The following FBXO42 variants were observed in gnomAD, a reference collection of about 807,000 sequenced individuals.
FBXO42 encodes the protein F-box only protein 42.
A neutral mutation model predicts 71.7 loss-of-function variants in FBXO42; 12 were observed. That is an observed-to-expected ratio of 0.17 (90% CI 0.11 to 0.27). FBXO42 has a LOEUF of 0.27. Among genes scored for constraint, FBXO42 ranks in the 10% least tolerant of loss-of-function variants. FBXO42 has a pLI of 1.00. For synonymous variants in FBXO42, 325 were observed against 327.5 expected (o/e 0.99, Z 0.08); for missense variants, 707 against 911.9 (o/e 0.78, Z 2.89).
chr1:16,311,503 AATATATAT>A (rs1553153697), intron 2 of FBXO42, among the ~76,000 whole-genome samples: 1 of 65,562 alleles, frequency 1.5e-5, no homozygotes, highest in Non-Finnish European at 3.0e-5. Context: ...AAAAAAAAAA[AATATATAT>A]ATATATATAT....
chr1:16,259,769 A>C (rs926624659), intron 4 of FBXO42, among the ~76,000 whole-genome samples: 1 of 151,422 alleles, frequency 6.6e-6, no homozygotes, highest in African/African-American at 2.4e-5. Context: ...CTGTCTCAAA[A>C]AAAAAAAAAA....
At chr1:16,271,093 C>A (rs1569837360) in intron 4 of FBXO42, among the ~76,000 whole-genome samples, 1 of 151,938 alleles carries the variant, frequency 6.6e-6, no homozygotes, top group East Asian at 1.9e-4. Flanking sequence ...GAAGAGTGTT[C>A]CAGGCAGAAA....
intron 2 of FBXO42, among the ~76,000 whole-genome samples, chr1:16,307,183 T>C (rs2082260348): frequency 6.6e-6 from 1 of 152,132 alleles, no homozygotes; most frequent in Non-Finnish European, 1.5e-5. Context: ...TGAGCTACCA[T>C]GCCCAACCAG....
At chr1:16,253,766 G>C in intron 6 of FBXO42, 35 bp from the exon 7 acceptor site, 1 of 1,592,276 alleles carries the variant, frequency 6.3e-7, no homozygotes, top group Non-Finnish European at 8.6e-7. Flanking sequence ...AAGGTAGTTA[G>C]GAGCTCCCAG....
At chr1:16,344,829 T>C (rs1479699985) in intron 1 of FBXO42, among the ~76,000 whole-genome samples, 1 of 152,150 alleles carries the variant, frequency 6.6e-6, no homozygotes, top group East Asian at 1.9e-4. Flanking sequence ...CCGGGCGTGG[T>C]GGCTCACACC....
chr1:16,331,821 C>G (rs1279735724), intron 1 of FBXO42, among the ~76,000 whole-genome samples: 1 of 151,392 alleles, frequency 6.6e-6, no homozygotes, highest in East Asian at 1.9e-4. Context: ...GAGGCTGAGG[C>G]GCGCAGATCA....
At chr1:16,288,503 A>G (rs895133075) in intron 4 of FBXO42, among the ~76,000 whole-genome samples, 1 of 151,828 alleles carries the variant, frequency 6.6e-6, no homozygotes, top group African/African-American at 2.4e-5. Context: ...ACAATGAATT[A>G]CTAGATACTA....
intron 5 of FBXO42, 103 bp downstream of exon 5, chr1:16,256,503 T>C (rs2081646755): frequency 1.6e-6 from 2 of 1,256,044 alleles, no homozygotes; most frequent in Non-Finnish European, 2.2e-6. Context: ...AGTCCACAGC[T>C]TTCCATCTAA....
In FBXO42 at chr1:16,347,307, G is replaced by A. The variant is rs1029660200; in HGVS notation, c.-18+4948C>T. On this transcript the variant is annotated intron_variant, in intron 1 of 9. Coordinates refer to ENST00000375592, the MANE Select transcript of FBXO42 (RefSeq NM_018994.3). ...GAGGCAGGTGGATCACTTGAAGACA[G>A]GAGTTCGAGAGTAGCCTGGCCAACA... 7.3e-5 allele frequency among the ~76,000 whole-genome samples: 11 copies of A among 151,648 alleles called. 1 individual carries two copies. Among genetic ancestry groups the A allele is most frequent in the African/African-American group, 1.7e-4 (7 of 41,276 alleles).
At chr1:16,323,173 C>T (rs939753986) in intron 1 of FBXO42, among the ~76,000 whole-genome samples, 1 of 152,128 alleles carries the variant, frequency 6.6e-6, no homozygotes, top group African/African-American at 2.4e-5. Context: ...AATCCCAGCA[C>T]TTTGGGAGGC....
chr1:16,273,182 G>A (rs1452094262), intron 4 of FBXO42, among the ~76,000 whole-genome samples: 2 of 152,106 alleles, frequency 1.3e-5, no homozygotes, highest in Non-Finnish European at 2.9e-5. Flanking sequence ...TTAAACAACC[G>A]GTAACCAGCA....
In FBXO42 at chr1:16,294,901, A is replaced by G. The variant is rs147993310; in HGVS notation, c.384T>C (p.Asp128=). Residue 128 remains aspartate (D), a synonymous_variant, in exon 4 of 10, where the codon GAT becomes GAC. Coordinates refer to ENST00000375592, the MANE Select transcript of FBXO42 (RefSeq NM_018994.3). ...CAAACACATACATAGACTGATTAGC[A>G]TCATAATAGCATGCACCTAGAAAGA... The part of the protein sequence containing the change: ...QRFSHSACYY[D]ANQSMYVFGG... 25 of 1,607,856 alleles carry G rather than the reference A, an allele frequency of 1.6e-5. No individual in the cohort carries two copies. Among genetic ancestry groups the G allele is most frequent in the Non-Finnish European group, 2.0e-5 (23 of 1,177,672 alleles).
intron 1 of FBXO42, among the ~76,000 whole-genome samples, chr1:16,317,210 G>C (rs1462353528): frequency 2.0e-5 from 3 of 152,140 alleles, no homozygotes; most frequent in Non-Finnish European, 2.9e-5. Context: ...CTGAGGTCAG[G>C]AGTTCAAGAC....
intron 6 of FBXO42, among the ~76,000 whole-genome samples, chr1:16,255,016 T>A (rs973037728): frequency 6.6e-6 from 1 of 152,188 alleles, no homozygotes; most frequent in East Asian, 1.9e-4. Context: ...CCATTTCCAC[T>A]TGTCCTGTCA....
intron 4 of FBXO42, among the ~76,000 whole-genome samples, chr1:16,263,637 C>T (rs780896044): frequency 6.6e-6 from 1 of 150,612 alleles, no homozygotes; most frequent in South Asian, 2.1e-4. Context: ...GCAGGAGAAA[C>T]GCTTGAACCC....
chr1:16,330,868 A>G (rs1338083542), intron 1 of FBXO42, among the ~76,000 whole-genome samples: 8 of 151,696 alleles, frequency 5.3e-5, no homozygotes, highest in African/African-American at 1.9e-4. Context: ...CTTTAACTCA[A>G]GAGGCGGAGG....
chr1:16,282,779 G>A (rs1262640), intron 4 of FBXO42, among the ~76,000 whole-genome samples: 151,456 of 151,490 alleles, frequency 1, 75,711 homozygotes, highest in Middle Eastern at 1. Context: ...TCAGGAGTTC[G>A]AGACCACCCT....
chr1:16,339,852 G>A (rs1223081628), intron 1 of FBXO42, among the ~76,000 whole-genome samples: 7 of 152,186 alleles, frequency 4.6e-5, no homozygotes, highest in East Asian at 1.9e-4. Flanking sequence ...CTACTTGTGA[G>A]TCTGAGGTAG....
At chr1:16,268,308 G>A (rs2100465606) in intron 4 of FBXO42, among the ~76,000 whole-genome samples, 1 of 152,300 alleles carries the variant, frequency 6.6e-6, no homozygotes, top group Middle Eastern at 3.4e-3. Flanking sequence ...AAGTTACCCA[G>A]ATCTGTCCTA....
Sources: gnomAD v4.1 joint callset for allele counts (sites outside exome capture counted in the v4.1 genomes callset) on GRCh38, gnomAD v4.1.1 for gene constraint, MANE v1.5 for transcripts, NCBI Gene and HGNC (gene_info 2026-07-23, HGNC 2026-07-21) for gene names.